Variants in HCN2 observed in about 807,000 individuals in gnomAD.
HCN2 encodes hyperpolarization activated cyclic nucleotide gated potassium and sodium channel 2, also known as potassium/sodium hyperpolarization-activated cyclic nucleotide-gated channel 2.
In HCN2, 20 loss-of-function variants were observed where a neutral mutation model predicts 52.3. That is an observed-to-expected ratio of 0.38 (90% CI 0.27 to 0.56). The LOEUF is 0.56. HCN2 is among the 20% of genes least tolerant of loss of function. HCN2 has a pLI of 0.71. For missense variants in HCN2, 981 were observed against 1,207.7 expected, an observed-to-expected ratio of 0.81 and a Z score of 2.78; for synonymous variants, 694 against 537.0, an observed-to-expected ratio of 1.29 and a Z score of -4.04.
intron 6 of HCN2, 23 bp from the exon 7 acceptor site, chr19:613,829 C>G (rs765523032): frequency 4.2e-6 from 6 of 1,428,214 alleles, no homozygotes; most frequent in African/African-American, 4.4e-5. Context: ...GTCCAGCAAC[C>G]CCCCCCTGCG....
At chr19:595,346 C>T (rs1358544354) in intron 1 of HCN2, among the ~76,000 whole-genome samples, 5 of 151,494 alleles carry the variant, frequency 3.3e-5, no homozygotes, top group South Asian at 2.1e-4. Flanking sequence ...CTGCCAGATG[C>T]CTCCCCGTCC....
intron 7 of HCN2, among the ~76,000 whole-genome samples, chr19:615,119 C>T (rs563256886): frequency 1.5e-3 from 232 of 152,226 alleles, no homozygotes; most frequent in Middle Eastern, 6.8e-3. Flanking sequence ...GCCTGTGGCA[C>T]ACTGGAGGCA....
chr19:613,106 C>A, intron 5 of HCN2, 142 bp from the exon 6 acceptor site: 1 of 1,125,548 alleles, frequency 8.9e-7, no homozygotes, highest in Non-Finnish European at 1.2e-6. Context: ...TTGGCGGCAG[C>A]AGCTCGGTTC....
chr19:602,007 C>T (rs964559837), intron 1 of HCN2, among the ~76,000 whole-genome samples: 4 of 151,640 alleles, frequency 2.6e-5, no homozygotes, highest in Admixed American at 1.3e-4. Context: ...AAGTCCGGCT[C>T]GGCCGTTCCT....
At position 599,847 on chromosome 19, in the gene HCN2, C is replaced by CGTGTGTGTGTGT. The variant is rs34793549; in HGVS notation, c.633-3658_633-3647dup. On this transcript the variant is annotated intron_variant, in intron 1 of 7. Transcript: ENST00000251287. The stretch of plus-strand genomic sequence containing the variant: ...TTGGTACAGGGATGGGAAGGGGTCC[C>CGTGTGTGTGTGT]GTGTGTGTGTGTGTGTGTGTGTGTG... Among the ~76,000 whole-genome samples, 617 of 133,396 alleles carry CGTGTGTGTGTGT rather than the reference C, an allele frequency of 4.6e-3. 7 individuals are homozygous for CGTGTGTGTGTGT. The highest frequency in any genetic ancestry group is 7.4e-3 in the Middle Eastern group (2 of 272). The allele number at this position is 133,396 out of a possible 152,430, so 87.5% of individuals were successfully genotyped here.
intron 5 of HCN2, 130 bp from the exon 6 acceptor site, chr19:613,118 G>T (rs959878930): frequency 1.6e-6 from 2 of 1,271,382 alleles, no homozygotes; most frequent in Non-Finnish European, 2.1e-6. Context: ...GCTCGGTTCC[G>T]GCTACGGGGC....
chr19:596,512 G>A (rs957834094), intron 1 of HCN2, among the ~76,000 whole-genome samples: 7 of 152,236 alleles, frequency 4.6e-5, no homozygotes, highest in African/African-American at 7.2e-5. Context: ...GGACCCCCGC[G>A]TTTCCGAGGA....
intron 1 of HCN2, among the ~76,000 whole-genome samples, chr19:602,854 C>T (rs1983252794): frequency 6.6e-6 from 1 of 152,224 alleles, no homozygotes; most frequent in South Asian, 2.1e-4. Context: ...TAGGGCAGCG[C>T]AGTGGGCGTT....
At chr19:608,639 AG>A (rs1411276592) in intron 4 of HCN2, among the ~76,000 whole-genome samples, 1 of 139,054 alleles carries the variant, frequency 7.2e-6, no homozygotes, top group East Asian at 2.0e-4. Flanking sequence ...AGTTGGGATC[AG>A]GGCAGGACAG....
intron 2 of HCN2, among the ~76,000 whole-genome samples, chr19:604,776 T>C (rs1285422362): frequency 2.6e-4 from 10 of 38,744 alleles, no homozygotes; most frequent in Admixed American, 9.8e-4. Context: ...ACATCAGGGG[T>C]GGGGAGCTGT....
chr19:607,876 G>C, intron 3 of HCN2, 88 bp from the exon 4 acceptor site: 1 of 961,134 alleles, frequency 1.0e-6, no homozygotes, highest in Non-Finnish European at 1.6e-6. Context: ...CCAGTGCTTG[G>C]CAGAGGGTGG....
At chr19:598,057 G>A (rs903271655) in intron 1 of HCN2, among the ~76,000 whole-genome samples, 1 of 152,214 alleles carries the variant, frequency 6.6e-6, no homozygotes, top group Non-Finnish European at 1.5e-5. Context: ...GGCTGGGGCT[G>A]AGCTCCACGG....
At chr19:610,807 T>TC (rs929056918) in intron 5 of HCN2, among the ~76,000 whole-genome samples, 1 of 152,118 alleles carries the variant, frequency 6.6e-6, no homozygotes, top group African/African-American at 2.4e-5. Context: ...TTCCCAGGGT[T>TC]GCGGGAACAA....
At chr19:613,520 A>G (rs1235188618) in intron 6 of HCN2, 32 bp downstream of exon 6, 3 of 328,398 alleles carry the variant, frequency 9.1e-6, no homozygotes, top group Non-Finnish European at 5.4e-6. Context: ...CTGGAGGGGG[A>G]GGGGGCACGC....
At chr19:608,381 C>T (rs1206147187) in intron 4 of HCN2, among the ~76,000 whole-genome samples, 199 bp downstream of exon 4, 5 of 127,902 alleles carry the variant, frequency 3.9e-5, no homozygotes, top group East Asian at 4.3e-4. Context: ...AGGGGAGGGG[C>T]GGGCCCGGCC....
Position 611,035 on chromosome 19 carries a change from C to G in HCN2, c.1584+630C>G, listed in dbSNP as rs192513350. Among the ~76,000 whole-genome samples, 20 of 152,336 alleles carry G rather than the reference C, an allele frequency of 1.3e-4. No individual in the cohort carries two copies. The East Asian group carries it at 3.3e-3, about 25-fold the overall frequency. The stretch of plus-strand genomic sequence containing the variant: ...CCTCCATCTGCTCACAGCCTTCTCC[C>G]CTGTGTGTCTCTGTCTCTTCTTGTA... On this transcript the variant is annotated intron_variant, in intron 5 of 7. Coordinates refer to ENST00000251287, the MANE Select transcript of HCN2 (RefSeq NM_001194.4).
At chr19:602,847 G>T (rs1314722915) in intron 1 of HCN2, among the ~76,000 whole-genome samples, 1 of 151,532 alleles carries the variant, frequency 6.6e-6, no homozygotes, top group Non-Finnish European at 1.5e-5. Context: ...CCTGGGCTAG[G>T]GCAGCGCAGT....
chr19:609,337 G>A (rs975034131), intron 4 of HCN2, among the ~76,000 whole-genome samples: 1 of 152,294 alleles, frequency 6.6e-6, no homozygotes, highest in East Asian at 1.9e-4. Context: ...GGGCTGACCC[G>A]ATGGTTTCTG....
chr19:610,486 C>A, intron 5 of HCN2, 81 bp downstream of exon 5: 19 of 1,304,920 alleles, frequency 1.5e-5, no homozygotes, highest in Non-Finnish European at 2.1e-5. Context: ...GAGCCGGTCC[C>A]TGAGGGAGGC....
Sources: gnomAD v4.1 joint callset for allele counts (sites outside exome capture counted in the v4.1 genomes callset) on GRCh38, gnomAD v4.1.1 for gene constraint, MANE v1.5 for transcripts, NCBI Gene and HGNC (gene_info 2026-07-23, HGNC 2026-07-21) for gene names.